The following MORC2 variants were observed in gnomAD, a reference collection of about 807,000 sequenced individuals.
The protein encoded by MORC2 is ATPase MORC2.
A neutral mutation model predicts 136.0 loss-of-function variants in MORC2; 30 were observed. That is an observed-to-expected ratio of 0.22 (90% CI 0.17 to 0.30). MORC2 has a LOEUF of 0.30. MORC2 is among the 10% of genes least tolerant of loss of function. MORC2 has a pLI of 1.00. For missense variants in MORC2, 922 were observed against 1,333.1 expected, an observed-to-expected ratio of 0.69 and a Z score of 4.80; for synonymous variants, 439 against 487.0, an observed-to-expected ratio of 0.90 and a Z score of 1.30.
At position 30,938,078 on chromosome 22, in the gene MORC2, G is replaced by C; in HGVS notation, c.1201C>G (p.Leu401Val). The C allele has an allele frequency of 6.2e-7, 1 of 1,614,132 alleles. No homozygotes were observed. Among genetic ancestry groups the C allele is most frequent in the South Asian group, 1.1e-5 (1 of 91,074 alleles). ...GGTAGTACTCACATGCCCCCTTCCA[G>C]CTGTGGGCCCACTTTCTCATACATT... The part of the protein sequence containing the change: ...IKMYEKVGPQ[L>V]EGGMACGGVV... The change falls in exon 13 of 26, where the codon CTG becomes GTG. Residue 401 changes from leucine to valine, a missense_variant. By Grantham distance (32) the Leu-to-Val change is conservative. Around this residue, in one of 9 missense-constraint regions of MORC2, gnomAD observed 16 missense variants for 75.6 expected, o/e 0.21. Transcript: ENST00000397641.
In MORC2 at chr22:30,926,586, A is replaced by AAAAAAAT. The variant is rs2040486890; in HGVS notation, c.*216_*217insATTTTTT. The AAAAAAAT allele has an allele frequency of 9.4e-5, 17 of 181,600 alleles. No individual in the cohort carries two copies. The highest frequency in any genetic ancestry group is 2.6e-4 in the African/African-American group (9 of 34,848). The allele number at this position is 181,600 out of a possible 1,614,324, so 11.2% of individuals were successfully genotyped here. On this transcript the variant is annotated 3_prime_UTR_variant, in exon 26 of 26. Transcript: ENST00000397641. ...AAAAAAAAAAAAAAAAAAAAAAAAA[A>AAAAAAAT]GTATGGTCTCACAGGCACAGCATCT...
chr22:30,966,651 G>A (rs2147332886), intron 1 of MORC2, among the ~76,000 whole-genome samples: 1 of 152,238 alleles, frequency 6.6e-6, no homozygotes, highest in African/African-American at 2.4e-5. Flanking sequence ...GGTGGTGCAT[G>A]CCTGTAGTCC....
Position 30,932,281 on chromosome 22 carries a change from A to G in MORC2, c.2841+78T>C. On this transcript the variant is annotated intron_variant, in intron 24 of 25. Coordinates refer to ENST00000397641, the MANE Select transcript of MORC2 (RefSeq NM_001303256.3). The surrounding 1 kb of genome is among the most constrained non-coding windows in gnomAD (Gnocchi z 4.4). ...AACTGCAACAAGCGTAACAATCATA[A>G]TCACAACAGTTACAACAAATGCAGG... is the stretch of plus-strand genomic sequence containing the variant. 1 of 1,246,044 alleles carries G rather than the reference A, an allele frequency of 8.0e-7. No homozygotes were observed. Among genetic ancestry groups the G allele is most frequent in the South Asian group, 1.4e-5 (1 of 73,028 alleles). The allele number at this position is 1,246,044 out of a possible 1,614,324, so 77.2% of individuals were successfully genotyped here. A position where few individuals can be genotyped will look rare whatever the true frequency, so the allele number is the denominator to read the frequency against.
At chr22:30,962,612 C>T (rs1485082028) in intron 1 of MORC2, among the ~76,000 whole-genome samples, 1 of 145,956 alleles carries the variant, frequency 6.9e-6, no homozygotes, top group Non-Finnish European at 1.5e-5. Flanking sequence ...AAAAAAAAAA[C>T]TAATGGTCTT....
chr22:30,935,214 G>A, intron 18 of MORC2, 34 bp downstream of exon 18: 1 of 1,612,358 alleles, frequency 6.2e-7, no homozygotes, highest in Non-Finnish European at 8.5e-7. Context: ...TGAGACACCT[G>A]AGGAAAAGCC....
intron 10 of MORC2, among the ~76,000 whole-genome samples, chr22:30,940,545 T>C (rs1479212463): frequency 6.6e-6 from 1 of 152,114 alleles, no homozygotes; most frequent in Non-Finnish European, 1.5e-5. Context: ...GCCCTATAAA[T>C]GGCAGAAGAA....
Position 30,938,185 on chromosome 22 carries a change from T to C in MORC2, c.1094A>G (p.Glu365Gly). 1 of 1,613,844 alleles carries C rather than the reference T, an allele frequency of 6.2e-7. No homozygotes were observed. Among genetic ancestry groups the C allele is most frequent in the Non-Finnish European group, 8.5e-7 (1 of 1,179,884 alleles). Residue 365 changes from glutamate (E) to glycine (G), a missense_variant, in exon 13 of 26, where the codon GAA becomes GGA. Around this residue, in one of 9 missense-constraint regions of MORC2, gnomAD observed 261 missense variants for 354.3 expected, o/e 0.74. Coordinates refer to ENST00000397641, the MANE Select transcript of MORC2 (RefSeq NM_001303256.3). ...GTTGACACCAAAAACAAAATTCAGT[T>C]CCTTAGGTTCTTTAAGTGCTCTAAG... ...AKQRALKEPK[E>G]LNFVFGVNIE...
chr22:30,946,901 C>T lies in MORC2; in HGVS notation c.318-452G>A, dbSNP rs554245840. On this transcript the variant is annotated intron_variant, in intron 5 of 25. Coordinates refer to ENST00000397641, the MANE Select transcript of MORC2 (RefSeq NM_001303256.3). Reference sequence around the variant, plus strand: ...CTGGTACCCTCAACACGTCATCTTCCATGCTGACCACCCCCAGTTCCCACC... The same window carrying T: ...CTGGTACCCTCAACACGTCATCTTCTATGCTGACCACCCCCAGTTCCCACC... 2.6e-4 allele frequency among the ~76,000 whole-genome samples: 39 copies of T among 152,240 alleles called. 1 individual carries two copies. In the South Asian group the frequency reaches 7.7e-3, roughly 30 times the overall value.
intron 12 of MORC2, 69 bp downstream of exon 12, chr22:30,939,552 G>C: frequency 1.4e-6 from 2 of 1,469,384 alleles, no homozygotes; most frequent in Admixed American, 3.6e-5. Context: ...TGACAGAATA[G>C]CAACCTGTCA....
At chr22:30,962,051 A>G (rs1410680639) in intron 1 of MORC2, among the ~76,000 whole-genome samples, 1 of 152,058 alleles carries the variant, frequency 6.6e-6, no homozygotes, top group African/African-American at 2.4e-5. Flanking sequence ...CAAAAAAATT[A>G]GTCAGGCATG....
In MORC2 at chr22:30,949,744, A is replaced by G. The variant is rs1403397209; in HGVS notation, c.317+8T>C. On this transcript the variant is annotated splice_region_variant and intron_variant, in intron 5 of 25. Transcript: ENST00000397641. ...TTGAGCCCTGTGACAAGCTTCTAAT[A>G]TACCTACGATTTTAACCCATTCCCG... is the stretch of plus-strand genomic sequence containing the variant. 6.2e-7 allele frequency: 1 copy of G among 1,610,648 alleles called. No individual in the cohort carries two copies. The highest frequency in any genetic ancestry group is 1.1e-5 in the South Asian group (1 of 90,946).
intron 6 of MORC2, among the ~76,000 whole-genome samples, chr22:30,946,023 C>G (rs1403489545): frequency 6.6e-6 from 1 of 152,206 alleles, no homozygotes; most frequent in Non-Finnish European, 1.5e-5. Flanking sequence ...CATGGTAACA[C>G]TCCCCCCAAA....
rs200253510 is a variant in MORC2 at position 30,966,613 on chromosome 22, T to TA, written c.68+1208dup. On this transcript the variant is annotated intron_variant, in intron 1 of 25. Coordinates refer to ENST00000397641, the MANE Select transcript of MORC2 (RefSeq NM_001303256.3). ...AACATATAGTGAAACCCCGTCTCTC[T>TA]AAAAAAATACAAAAATTAGCTGGGC... Among the ~76,000 whole-genome samples, 734 of 151,944 alleles carry TA rather than the reference T, an allele frequency of 4.8e-3. 1 individual carries two copies. Among genetic ancestry groups the TA allele is most frequent in the Middle Eastern group, 0.017 (5 of 292 alleles).
At chr22:30,964,918 ACACT>A (rs10618192) in intron 1 of MORC2, among the ~76,000 whole-genome samples, 60,132 of 151,806 alleles carry the variant, frequency 0.4, 12,951 homozygotes, top group East Asian at 0.66. Flanking sequence ...TTATAGAGTA[ACACT>A]CACCATTCAC....
rs770321874 is a variant in MORC2 at position 30,932,372 on chromosome 22, A to G, written c.2828T>C (p.Ile943Thr). 6.2e-7 allele frequency: 1 copy of G among 1,613,730 alleles called. No homozygotes were observed. Among genetic ancestry groups the G allele is most frequent in the Non-Finnish European group, 8.5e-7 (1 of 1,179,654 alleles). ...GGCCAGACTCACCAGAGGAAAAGAT[A>G]TTAGCTCATCTGAATTCATAGCACT... ...QLSAMNSDEL[I>T]SFPLKEYFKQ... is the part of the protein sequence containing the mutation. The change falls in exon 24 of 26, where the codon ATA becomes ACA. Residue 943 changes from isoleucine (I) to threonine (T), a missense_variant. By Grantham distance (89) the Ile-to-Thr change is moderately conservative. Coordinates refer to ENST00000397641, the MANE Select transcript of MORC2 (RefSeq NM_001303256.3). This position sits in a 1 kb window ranked among gnomAD's most constrained non-coding sequence, Gnocchi z 4.4.
At position 30,935,292 on chromosome 22, in the gene MORC2, G is replaced by A. The variant is rs146972491; in HGVS notation, c.1768C>T (p.Leu590=). 2,240 of 1,613,832 alleles carry A rather than the reference G, an allele frequency of 1.4e-3. 3 individuals are homozygous for A. The highest frequency in any genetic ancestry group is 1.8e-3 in the Non-Finnish European group (2,090 of 1,179,986). ...GTCACTTCCAAGGGCAATTTCTTCAGGTCTGCTTGGGAGCGGATGGGTGTG... is the reference window on the plus strand; with the variant it reads ...GTCACTTCCAAGGGCAATTTCTTCAAGTCTGCTTGGGAGCGGATGGGTGTG... ...KTTPIRSQAD[L]KKLPLEVTTR... The change falls in exon 18 of 26, where the codon CTG becomes TTG. Residue 590 remains leucine, a synonymous_variant. Transcript: ENST00000397641.
At chr22:30,935,555 G>A (rs1210290674) in intron 17 of MORC2, among the ~76,000 whole-genome samples, 2 of 152,174 alleles carry the variant, frequency 1.3e-5, no homozygotes, top group Non-Finnish European at 2.9e-5. Context: ...GGCAAAAAGT[G>A]TCAATAGACT....
At chr22:30,933,429 C>G (rs746489141) in intron 21 of MORC2, 37 bp downstream of exon 21, 3 of 1,609,812 alleles carry the variant, frequency 1.9e-6, no homozygotes, top group Non-Finnish European at 2.5e-6. Context: ...CCACTCCCAC[C>G]CCCGCCACAG....
intron 12 of MORC2, among the ~76,000 whole-genome samples, chr22:30,938,805 G>A (rs1423105973): frequency 6.6e-6 from 1 of 152,044 alleles, no homozygotes; most frequent in Non-Finnish European, 1.5e-5. Context: ...TCCTGACCTC[G>A]TGATCCACCC....
Sources: allele counts gnomAD v4.1 joint callset (sites outside exome capture counted in the v4.1 genomes callset), GRCh38; gene constraint gnomAD v4.1.1; regional missense constraint gnomAD v4.1.1; non-coding constraint Gnocchi (gnomAD v3.1); transcripts MANE v1.5; gene names NCBI Gene and HGNC (gene_info 2026-07-23, HGNC 2026-07-21).